TMEM45A: variants seen among roughly 807,000 people sequenced by gnomAD.
TMEM45A encodes the protein transmembrane protein 45A.
A neutral mutation model predicts 32.0 loss-of-function variants in TMEM45A; 25 were observed. That is an observed-to-expected ratio of 0.78 (90% CI 0.57 to 1.09). The LOEUF is 1.09. Among genes scored for constraint, TMEM45A ranks in the 50% least tolerant of loss-of-function variants. TMEM45A has a pLI of 0.00. For synonymous variants in TMEM45A, 122 were observed against 114.8 expected (o/e 1.06, Z -0.40); for missense variants, 302 against 325.0 (o/e 0.93, Z 0.54).
chr3:100,509,256 T>G (rs568752280), intron 1 of TMEM45A, among the ~76,000 whole-genome samples: 1 of 152,334 alleles, frequency 6.6e-6, no homozygotes, highest in South Asian at 2.1e-4. Context: ...CCAGTTGGAA[T>G]GGCTGTTATG....
chr3:100,503,808 T>G (rs148222431), intron 1 of TMEM45A, among the ~76,000 whole-genome samples: 52 of 152,352 alleles, frequency 3.4e-4, no homozygotes, highest in Non-Finnish European at 6.3e-4. Context: ...ATTATTCCCA[T>G]TTTATTGATA....
intron 1 of TMEM45A, among the ~76,000 whole-genome samples, chr3:100,532,996 C>G (rs912337338): frequency 4.6e-5 from 7 of 152,116 alleles, no homozygotes; most frequent in Admixed American, 3.9e-4. Context: ...ATTATAATCC[C>G]TATGAAATGC....
chr3:100,569,828 CA>C (rs534451746), intron 5 of TMEM45A, among the ~76,000 whole-genome samples: 14 of 152,088 alleles, frequency 9.2e-5, no homozygotes, highest in Non-Finnish European at 1.8e-4. Context: ...GGGAGATGCA[CA>C]ATGAAAATAC....
At chr3:100,536,612 C>G (rs1018952506) in intron 1 of TMEM45A, among the ~76,000 whole-genome samples, 1 of 152,288 alleles carries the variant, frequency 6.6e-6, no homozygotes, top group Non-Finnish European at 1.5e-5. Context: ...ACTGCTTATT[C>G]TCACACGTAC....
At chr3:100,555,427 T>G in intron 2 of TMEM45A, 26 bp downstream of exon 2, 4 of 1,580,586 alleles carry the variant, frequency 2.5e-6, no homozygotes, top group Non-Finnish European at 3.4e-6. Context: ...TGTGTTCTAT[T>G]TTTACCTTTT....
At chr3:100,529,610 A>G (rs1705609132) in intron 1 of TMEM45A, among the ~76,000 whole-genome samples, 1 of 152,082 alleles carries the variant, frequency 6.6e-6, no homozygotes, top group Non-Finnish European at 1.5e-5. Flanking sequence ...CAGATTTCTC[A>G]GGCCAGCCTT....
rs562708903 is a variant in TMEM45A at position 100,530,489 on chromosome 3, T to A, written c.-3-24720T>A. Among the ~76,000 whole-genome samples, 19 of 152,318 alleles carry A rather than the reference T, an allele frequency of 1.2e-4. No individual in the cohort carries two copies. In the South Asian group the frequency reaches 3.9e-3, roughly 32 times the overall value. On this transcript the variant is annotated intron_variant, in intron 1 of 5. Coordinates refer to ENST00000323523, the MANE Select transcript of TMEM45A (RefSeq NM_018004.3). Reference sequence around the variant, plus strand: ...TCTGCTTTACTCAAAGTCTACTGATTTAAATGTTAATAATATCTAAAAATA... The same window carrying A: ...TCTGCTTTACTCAAAGTCTACTGATATAAATGTTAATAATATCTAAAAATA...
intron 5 of TMEM45A, chr3:100,573,166 C>A (rs1476494651): frequency 6.6e-6 from 1 of 151,658 alleles, no homozygotes; most frequent in Non-Finnish European, 1.5e-5. Context: ...ATGGGGATGG[C>A]ATTGAATCTA....
chr3:100,531,300 A>G lies in TMEM45A; in HGVS notation c.-3-23909A>G, dbSNP rs562317765. ...CTTTTGTGTGTGTCTGCGTGAGTGT[A>G]TGTGTGTGTGTGTGTACATGGTCTG... On this transcript the variant is annotated intron_variant, in intron 1 of 5. Coordinates refer to ENST00000323523, the MANE Select transcript of TMEM45A (RefSeq NM_018004.3). Among the ~76,000 whole-genome samples the G allele has an allele frequency of 7.9e-5, 12 of 151,156 alleles. No homozygotes were observed. In the East Asian group the frequency reaches 2.1e-3, roughly 27 times the overall value.
At chr3:100,514,051 C>T (rs1180713231) in intron 1 of TMEM45A, among the ~76,000 whole-genome samples, 1 of 152,104 alleles carries the variant, frequency 6.6e-6, no homozygotes, top group Non-Finnish European at 1.5e-5. Flanking sequence ...GCCATACTGC[C>T]CAAGGTAATT....
intron 1 of TMEM45A, among the ~76,000 whole-genome samples, chr3:100,526,891 A>G (rs896324498): frequency 8.5e-5 from 13 of 152,174 alleles, no homozygotes; most frequent in Non-Finnish European, 2.9e-5. Flanking sequence ...TGGCTTTTAT[A>G]TTTGCAGTCA....
At chr3:100,526,654 G>T (rs1705551200) in intron 1 of TMEM45A, among the ~76,000 whole-genome samples, 1 of 152,176 alleles carries the variant, frequency 6.6e-6, no homozygotes, top group African/African-American at 2.4e-5. Context: ...AGGCAAGTTA[G>T]CCATAAAGAA....
intron 5 of TMEM45A, chr3:100,571,635 C>T (rs538301998): frequency 9.2e-5 from 14 of 152,136 alleles, no homozygotes; most frequent in Non-Finnish European, 2.1e-4. Flanking sequence ...TTTTAGGGTA[C>T]ATGTGCACAA....
At chr3:100,561,066 G>A (rs575509899) in intron 4 of TMEM45A, among the ~76,000 whole-genome samples, 6 of 152,094 alleles carry the variant, frequency 3.9e-5, no homozygotes, top group Admixed American at 6.5e-5. Flanking sequence ...AATAATGTCC[G>A]CAGCTTTAAA....
chr3:100,544,290 A>G (rs936927999), intron 1 of TMEM45A, among the ~76,000 whole-genome samples: 2 of 152,182 alleles, frequency 1.3e-5, no homozygotes, highest in Non-Finnish European at 2.9e-5. Flanking sequence ...AGCATTAACC[A>G]TCATAACCAT....
intron 1 of TMEM45A, among the ~76,000 whole-genome samples, chr3:100,519,997 A>G (rs892743818): frequency 2.0e-5 from 3 of 152,140 alleles, no homozygotes; most frequent in Non-Finnish European, 4.4e-5. Flanking sequence ...TATCCACTCA[A>G]CACTTAGGTA....
chr3:100,559,470 G>A (rs774249403), intron 4 of TMEM45A, among the ~76,000 whole-genome samples: 3 of 152,164 alleles, frequency 2.0e-5, no homozygotes, highest in Non-Finnish European at 2.9e-5. Context: ...AAGCATGTAA[G>A]AAAGCGGAAA....
chr3:100,538,895 A>T (rs1271454567), intron 1 of TMEM45A, among the ~76,000 whole-genome samples: 1 of 152,064 alleles, frequency 6.6e-6, no homozygotes. Context: ...AATTTAATAA[A>T]ATATATATAA....
chr3:100,554,691 C>T (rs1706177809), intron 1 of TMEM45A, among the ~76,000 whole-genome samples: 1 of 152,176 alleles, frequency 6.6e-6, no homozygotes, highest in African/African-American at 2.4e-5. Context: ...GGCAATTTCA[C>T]ATCATTTCAA....
Sources: allele counts gnomAD v4.1 joint callset (sites outside exome capture counted in the v4.1 genomes callset), GRCh38; gene constraint gnomAD v4.1.1; transcripts MANE v1.5; gene names NCBI Gene and HGNC (gene_info 2026-07-23, HGNC 2026-07-21).